Variants in PCED1B observed in about 807,000 individuals in gnomAD.
PCED1B encodes the protein PC-esterase domain containing 1B.
For missense variants in PCED1B, 573 were observed against 573.9 expected, an observed-to-expected ratio of 1.00 and a Z score of 0.02; for synonymous variants, 251 against 246.1, an observed-to-expected ratio of 1.02 and a Z score of -0.19.
chr12:47,175,972 C>G (rs572147998), intron 2 of PCED1B, among the ~76,000 whole-genome samples: 4 of 150,778 alleles, frequency 2.7e-5, no homozygotes, highest in African/African-American at 9.7e-5. Context: ...GCCATCTTCC[C>G]ACCTCAGCCT....
At chr12:47,199,112 A>G (rs1354592409) in intron 2 of PCED1B, among the ~76,000 whole-genome samples, 1 of 152,226 alleles carries the variant, frequency 6.6e-6, no homozygotes, top group African/African-American at 2.4e-5. Context: ...TTGCTTTCCT[A>G]TATATCAGAA....
intron 1 of PCED1B, among the ~76,000 whole-genome samples, chr12:47,099,047 C>T (rs1938594807): frequency 6.6e-6 from 1 of 152,166 alleles, no homozygotes; most frequent in East Asian, 1.9e-4. Flanking sequence ...CATCTCTGAC[C>T]AATGGACTTC....
intron 1 of PCED1B, among the ~76,000 whole-genome samples, chr12:47,094,042 G>A (rs1334407081): frequency 6.6e-6 from 1 of 151,992 alleles, no homozygotes; most frequent in African/African-American, 2.4e-5. Flanking sequence ...GCCTCCCACT[G>A]TGAGTGCTGA....
intron 2 of PCED1B, among the ~76,000 whole-genome samples, chr12:47,113,185 G>C (rs1939273904): frequency 6.6e-6 from 1 of 152,110 alleles, no homozygotes; most frequent in Non-Finnish European, 1.5e-5. Context: ...GTAGGGGAGA[G>C]GATTTATACT....
At chr12:47,142,774 A>G (rs1228677207) in intron 2 of PCED1B, among the ~76,000 whole-genome samples, 2 of 152,124 alleles carry the variant, frequency 1.3e-5, no homozygotes, top group African/African-American at 4.8e-5. Flanking sequence ...AATTAGAGGA[A>G]CCAAAACAAA....
At chr12:47,086,963 T>A (rs1256847186) in intron 1 of PCED1B, among the ~76,000 whole-genome samples, 1 of 152,206 alleles carries the variant, frequency 6.6e-6, no homozygotes, top group East Asian at 1.9e-4. Flanking sequence ...GAAGCAGCCA[T>A]TATTCACCAA....
intron 1 of PCED1B, among the ~76,000 whole-genome samples, chr12:47,081,762 A>T (rs1214915722): frequency 6.6e-6 from 1 of 152,212 alleles, no homozygotes; most frequent in East Asian, 1.9e-4. Context: ...TTTTTGCAGG[A>T]TTTTACTAAT....
At chr12:47,140,852 T>C (rs1940564597) in intron 2 of PCED1B, among the ~76,000 whole-genome samples, 1 of 152,348 alleles carries the variant, frequency 6.6e-6, no homozygotes, top group Non-Finnish European at 1.5e-5. Flanking sequence ...TACCAAGATA[T>C]GTTTACCTGC....
chr12:47,229,455 G>A (rs1943732118), intron 3 of PCED1B, among the ~76,000 whole-genome samples: 1 of 151,714 alleles, frequency 6.6e-6, no homozygotes, highest in Admixed American at 6.6e-5. Context: ...ACACTCAAAA[G>A]TGTTTCGGAT....
At chr12:47,098,243 A>C (rs960237747) in intron 1 of PCED1B, among the ~76,000 whole-genome samples, 3 of 152,166 alleles carry the variant, frequency 2.0e-5, no homozygotes, top group Non-Finnish European at 2.9e-5. Flanking sequence ...CTCTCTTACG[A>C]TTCTGAGCCG....
chr12:47,154,778 C>CGT (rs1565571640), intron 2 of PCED1B, among the ~76,000 whole-genome samples: 2 of 92,502 alleles, frequency 2.2e-5, no homozygotes, highest in African/African-American at 5.3e-5. Flanking sequence ...TGTGTGTGTG[C>CGT]ATGTGTGTGT....
At chr12:47,208,006 T>C (rs777401514) in intron 2 of PCED1B, among the ~76,000 whole-genome samples, 5 of 152,058 alleles carry the variant, frequency 3.3e-5, no homozygotes, top group Non-Finnish European at 7.4e-5. Flanking sequence ...CTAACACAGC[T>C]CTCTGAACAC....
chr12:47,086,258 C>T (rs1199447061), intron 1 of PCED1B, among the ~76,000 whole-genome samples: 1 of 151,534 alleles, frequency 6.6e-6, no homozygotes, highest in African/African-American at 2.4e-5. Context: ...GGCATGGTCC[C>T]CTGCCCACAC....
intron 2 of PCED1B, among the ~76,000 whole-genome samples, chr12:47,167,664 A>C (rs1395219559): frequency 1.3e-5 from 2 of 152,214 alleles, no homozygotes; most frequent in Admixed American, 1.3e-4. Context: ...TGGATTCTAG[A>C]TGATATTGCT....
At chr12:47,110,350 A>G (rs752319560) in intron 2 of PCED1B, among the ~76,000 whole-genome samples, 90 of 150,074 alleles carry the variant, frequency 6.0e-4, no homozygotes, top group Non-Finnish European at 1.1e-3. Flanking sequence ...AAAGCGCAAT[A>G]GGGTTCCACT....
At chr12:47,098,395 A>G (rs1422232907) in intron 1 of PCED1B, among the ~76,000 whole-genome samples, 3 of 152,264 alleles carry the variant, frequency 2.0e-5, no homozygotes, top group Admixed American at 6.5e-5. Flanking sequence ...ACAAAGCCAA[A>G]GTCTATGAAC....
intron 3 of PCED1B, among the ~76,000 whole-genome samples, chr12:47,227,114 T>G (rs1943653749): frequency 6.6e-6 from 1 of 152,138 alleles, no homozygotes; most frequent in Non-Finnish European, 1.5e-5. Context: ...TATCAAGAAC[T>G]TCATTTCCAT....
intron 2 of PCED1B, among the ~76,000 whole-genome samples, chr12:47,129,809 T>C (rs1253146792): frequency 6.6e-6 from 1 of 152,154 alleles, no homozygotes; most frequent in Admixed American, 6.5e-5. Context: ...GGGACCCCAG[T>C]GGGGAGTGGT....
At chr12:47,092,378 G>A (rs555623060) in intron 1 of PCED1B, among the ~76,000 whole-genome samples, 8 of 151,730 alleles carry the variant, frequency 5.3e-5, no homozygotes, top group South Asian at 2.1e-4. Flanking sequence ...CTGTATATCC[G>A]GTTCCCTTCC....
Sources: gnomAD v4.1 joint callset for allele counts (sites outside exome capture counted in the v4.1 genomes callset) on GRCh38, gnomAD v4.1.1 for gene constraint, MANE v1.5 for transcripts, NCBI Gene and HGNC (gene_info 2026-07-23, HGNC 2026-07-21) for gene names.